The following PPP2R2B variants were observed in gnomAD, a reference collection of about 807,000 sequenced individuals.
The protein encoded by PPP2R2B is serine/threonine-protein phosphatase 2A 55 kDa regulatory subunit B beta isoform.
In PPP2R2B, 5 loss-of-function variants were observed where a neutral mutation model predicts 46.0. That is an observed-to-expected ratio of 0.11 (90% confidence interval 0.06 to 0.23). The LOEUF is 0.23. Ranked by LOEUF, PPP2R2B falls within the 10% of genes least tolerant of loss-of-function variation. The pLI is 1.00. For missense variants in PPP2R2B, 367 were observed against 575.0 expected, an observed-to-expected ratio of 0.64 and a Z score of 3.70; for synonymous variants, 215 against 206.7, an observed-to-expected ratio of 1.04 and a Z score of -0.34.
At chr5:146,909,270 GTGGGTAACTTA>G (rs1456495727) in intron 1 of PPP2R2B, among the ~76,000 whole-genome samples, 1 of 152,216 alleles carries the variant, frequency 6.6e-6, no homozygotes, top group Non-Finnish European at 1.5e-5. Context: ...AGAGGGAAGA[GTGGGTAACTTA>G]TCAGTAAGTA....
chr5:146,978,501 A>T (rs1203498062), intron 1 of PPP2R2B, among the ~76,000 whole-genome samples: 1 of 152,106 alleles, frequency 6.6e-6, no homozygotes, highest in Non-Finnish European at 1.5e-5. Context: ...TTATGATTTT[A>T]CGTACTACGT....
Position 146,609,670 on chromosome 5 carries a change from G to C in PPP2R2B, c.791-9210C>G, listed in dbSNP as rs1162692636. On this transcript the variant is annotated intron_variant, in intron 7 of 9. Coordinates refer to ENST00000394411, the MANE Select transcript of PPP2R2B (RefSeq NM_181675.4). ...GCGAGCCGAAGCAGGGCGAGGCATT[G>C]CCTCACCTGGGAAGCGCAAGGGGTC... Among the ~76,000 whole-genome samples the C allele has an allele frequency of 3.8e-4, 57 of 149,092 alleles. 1 individual carries two copies. The highest frequency in any genetic ancestry group is 3.7e-3 in the Admixed American group (56 of 14,944).
rs183277535 is a variant in PPP2R2B at position 146,641,798 on chromosome 5, C to T, written c.626-3383G>A. 5.3e-5 allele frequency among the ~76,000 whole-genome samples: 8 copies of T among 152,246 alleles called. No homozygotes were observed. The East Asian group carries it at 7.7e-4, about 15-fold the overall frequency. ...GGAAGGAGAAAGAAGATGAGCAATT[C>T]GTGGCTCCACGTATAATCTTGAAAA... On this transcript the variant is annotated intron_variant, in intron 6 of 9. Coordinates refer to ENST00000394411, the MANE Select transcript of PPP2R2B (RefSeq NM_181675.4).
intron 2 of PPP2R2B, among the ~76,000 whole-genome samples, chr5:146,728,785 G>A (rs989517154): frequency 2.6e-5 from 4 of 152,128 alleles, no homozygotes; most frequent in Non-Finnish European, 5.9e-5. Flanking sequence ...TTCTCTTGCC[G>A]CTACCAAGTA....
At chr5:146,944,056 T>G (rs189063988) in intron 1 of PPP2R2B, among the ~76,000 whole-genome samples, 3 of 152,330 alleles carry the variant, frequency 2.0e-5, no homozygotes, top group Non-Finnish European at 4.4e-5. Context: ...GAGACCAGCC[T>G]CCTCATCCTT....
In PPP2R2B at chr5:146,717,217, C is replaced by T. The variant is rs74586166; in HGVS notation, c.71-16075G>A. Among the ~76,000 whole-genome samples, 32 of 152,290 alleles carry T rather than the reference C, an allele frequency of 2.1e-4. 1 individual carries two copies. In the East Asian group the frequency reaches 5.6e-3, roughly 27 times the overall value. ...GTATTTGAGAAATCTAGTACCAAGG[C>T]CATTTTCAGAAATGCTTTCTCCAGG... On this transcript the variant is annotated intron_variant, in intron 2 of 9. Transcript: ENST00000394411.
At chr5:146,833,212 C>G (rs544647821) in intron 2 of PPP2R2B, among the ~76,000 whole-genome samples, 3 of 152,152 alleles carry the variant, frequency 2.0e-5, no homozygotes. Flanking sequence ...CATCATCAAA[C>G]AGATCATCTT....
intron 2 of PPP2R2B, among the ~76,000 whole-genome samples, chr5:146,877,171 A>G (rs1223098004): frequency 6.6e-6 from 1 of 152,140 alleles, no homozygotes; most frequent in Admixed American, 6.5e-5. Context: ...TCACACACAA[A>G]AGGCAGAATG....
Sources: gnomAD v4.1 joint callset for allele counts (sites outside exome capture counted in the v4.1 genomes callset) on GRCh38, gnomAD v4.1.1 for gene constraint, MANE v1.5 for transcripts, NCBI Gene and HGNC (gene_info 2026-07-23, HGNC 2026-07-21) for gene names.